GRID1: variants seen among roughly 807,000 people sequenced by gnomAD.
GRID1 encodes the protein glutamate ionotropic receptor delta type subunit 1.
GRID1 carries 28 observed loss-of-function variants against 98.0 expected under a neutral mutation model. That is an observed-to-expected ratio of 0.29 (90% confidence interval 0.21 to 0.39). The LOEUF is 0.39. Among genes scored for constraint, GRID1 ranks in the 10% least tolerant of loss-of-function variants. The pLI is 1.00. For synonymous variants in GRID1, 553 were observed against 538.5 expected, an observed-to-expected ratio of 1.03 and a Z score of -0.37; for missense variants, 1,111 against 1,340.5, an observed-to-expected ratio of 0.83 and a Z score of 2.67.
intron 3 of GRID1, among the ~76,000 whole-genome samples, chr10:86,153,000 C>T (rs1564691218): frequency 6.6e-6 from 1 of 152,208 alleles, no homozygotes; most frequent in Non-Finnish European, 1.5e-5. Context: ...ACAGTGGCAA[C>T]CAGAGCCAGA....
chr10:85,741,460 T>C (rs1841942324), intron 8 of GRID1, among the ~76,000 whole-genome samples: 1 of 152,150 alleles, frequency 6.6e-6, no homozygotes, highest in Non-Finnish European at 1.5e-5. Context: ...CATGTCTCCA[T>C]CCCACATCTA....
chr10:86,170,027 C>G (rs185608959), intron 3 of GRID1, among the ~76,000 whole-genome samples: 5 of 152,358 alleles, frequency 3.3e-5, no homozygotes, highest in African/African-American at 1.2e-4. Flanking sequence ...GCCATGGACT[C>G]TCAGAAGACA....
chr10:85,718,165 C>T (rs561072549), intron 12 of GRID1, among the ~76,000 whole-genome samples: 101 of 152,328 alleles, frequency 6.6e-4, no homozygotes, highest in African/African-American at 1.5e-3. Context: ...CTCACAGCTC[C>T]GCTAGGCAGT....
rs114357865 is a variant in GRID1 at position 85,643,503 on chromosome 10, G to A, written c.2193+3699C>T. On this transcript the variant is annotated intron_variant, in intron 13 of 15. Coordinates refer to ENST00000327946, the MANE Select transcript of GRID1 (RefSeq NM_017551.3). ...TAGTCTGGGGGCAGGGAGCAGAGGG[G>A]CCGCTCCATAGGAGTAGGGAAGAAG... is the stretch of plus-strand genomic sequence containing the variant. Among the ~76,000 whole-genome samples the A allele has an allele frequency of 3.1e-3, 469 of 152,284 alleles. 3 individuals carry two copies. The highest frequency in any genetic ancestry group is 0.011 in the African/African-American group (441 of 41,562).
chr10:85,755,351 G>A (rs957314173), intron 8 of GRID1, among the ~76,000 whole-genome samples: 3 of 152,200 alleles, frequency 2.0e-5, no homozygotes, highest in Admixed American at 6.5e-5. Flanking sequence ...CAGCTGAGCC[G>A]GCTGAGATGA....
At chr10:85,850,145 C>T (rs766516435) in intron 8 of GRID1, among the ~76,000 whole-genome samples, 5 of 152,104 alleles carry the variant, frequency 3.3e-5, no homozygotes, top group Non-Finnish European at 5.9e-5. Flanking sequence ...AAAGGGCCTG[C>T]GAGCAGTTGG....
intron 2 of GRID1, among the ~76,000 whole-genome samples, chr10:86,361,770 A>G (rs1341274828): frequency 6.6e-6 from 1 of 152,272 alleles, no homozygotes; most frequent in African/African-American, 2.4e-5. Flanking sequence ...AAAATAAATC[A>G]GCACATCTAC....
intron 5 of GRID1, among the ~76,000 whole-genome samples, chr10:85,902,197 C>A (rs927988097): frequency 1.3e-5 from 2 of 152,284 alleles, no homozygotes; most frequent in East Asian, 1.9e-4. Flanking sequence ...TAGTACCAAA[C>A]CCTATATATA....
intron 8 of GRID1, among the ~76,000 whole-genome samples, chr10:85,849,552 C>G (rs1046940093): frequency 6.6e-6 from 1 of 152,116 alleles, no homozygotes; most frequent in African/African-American, 2.4e-5. Flanking sequence ...ACTGTGATGC[C>G]CTAATGCTGG....
chr10:85,973,462 C>T (rs1209442896), intron 4 of GRID1, among the ~76,000 whole-genome samples: 1 of 152,116 alleles, frequency 6.6e-6, no homozygotes, highest in African/African-American at 2.4e-5. Context: ...CCTTTATCTT[C>T]TCTTATTTTA....
At chr10:85,935,858 G>C (rs989600516) in intron 4 of GRID1, among the ~76,000 whole-genome samples, 2 of 152,128 alleles carry the variant, frequency 1.3e-5, no homozygotes, top group African/African-American at 4.8e-5. Context: ...TGGCAATCTG[G>C]TGCCAAAACC....
chr10:85,771,709 T>C (rs1267146125), intron 8 of GRID1, among the ~76,000 whole-genome samples: 1 of 151,934 alleles, frequency 6.6e-6, no homozygotes, highest in African/African-American at 2.4e-5. Context: ...CCAGCAAATA[T>C]CAAAAGAGAC....
intron 12 of GRID1, among the ~76,000 whole-genome samples, chr10:85,677,937 A>G (rs1300617100): frequency 6.6e-6 from 1 of 152,198 alleles, no homozygotes; most frequent in Non-Finnish European, 1.5e-5. Context: ...ACATGGTGCC[A>G]GAAACGCCCC....
intron 4 of GRID1, among the ~76,000 whole-genome samples, chr10:86,133,457 C>T (rs34602234): frequency 0.17 from 26,191 of 152,208 alleles, 2,588 homozygotes; most frequent in Middle Eastern, 0.29. Flanking sequence ...GGCCCAGGAA[C>T]GTCCCACCTG....
At chr10:85,727,188 G>C (rs1226558866) in intron 10 of GRID1, among the ~76,000 whole-genome samples, 2 of 152,116 alleles carry the variant, frequency 1.3e-5, no homozygotes, top group Non-Finnish European at 2.9e-5. Context: ...GGGAGTCCAG[G>C]GTTGTCCACA....
intron 15 of GRID1, among the ~76,000 whole-genome samples, chr10:85,603,990 T>C (rs984205839): frequency 5.3e-5 from 8 of 152,188 alleles, no homozygotes; most frequent in Non-Finnish European, 1.2e-4. Flanking sequence ...TTCCAGTGAC[T>C]GCTTTGAGCT....
At chr10:85,606,319 G>C (rs1237875441) in intron 15 of GRID1, 1 of 152,094 alleles carries the variant, frequency 6.6e-6, no homozygotes, top group Non-Finnish European at 1.5e-5. Flanking sequence ...ACGTTCCAGG[G>C]GGTTTCCTTC....
chr10:86,260,839 A>G (rs1416149986), intron 2 of GRID1, among the ~76,000 whole-genome samples: 1 of 152,250 alleles, frequency 6.6e-6, no homozygotes, highest in Non-Finnish European at 1.5e-5. Context: ...ACTCGGCTCC[A>G]GAGCTGATAA....
At chr10:85,714,985 G>A (rs1024024208) in intron 12 of GRID1, among the ~76,000 whole-genome samples, 18 of 152,006 alleles carry the variant, frequency 1.2e-4, no homozygotes, top group East Asian at 3.9e-4. Context: ...ACCTGATTTC[G>A]AAATACAGTA....
Sources: gnomAD v4.1 joint callset for allele counts (sites outside exome capture counted in the v4.1 genomes callset) on GRCh38, gnomAD v4.1.1 for gene constraint, MANE v1.5 for transcripts, NCBI Gene and HGNC (gene_info 2026-07-23, HGNC 2026-07-21) for gene names.